Variants in MPP3 observed in about 807,000 individuals in gnomAD.
MPP3 encodes the protein MAGUK p55 subfamily member 3.
MPP3 carries 48 observed loss-of-function variants against 80.7 expected under a neutral mutation model. The observed-to-expected ratio is 0.59, with a 90% CI of 0.47 to 0.76. MPP3 has a LOEUF of 0.76. Ranked by LOEUF, MPP3 falls within the 30% of genes least tolerant of loss-of-function variation. MPP3 has a pLI of 0.00. For missense variants in MPP3, 620 were observed against 763.0 expected (o/e 0.81, Z 2.21); for synonymous variants, 311 against 297.6 (o/e 1.04, Z -0.46).
In MPP3 at chr17:43,801,556, A is replaced by G; in HGVS notation, c.*145T>C. 1 of 732,002 alleles carries G rather than the reference A, an allele frequency of 1.4e-6. No homozygotes were observed. Among genetic ancestry groups the G allele is most frequent in the South Asian group, 2.1e-5 (1 of 48,142 alleles). 45.3% of individuals were successfully genotyped at this position (732,002 alleles called of 1,614,324 possible). ...CAGACAAAAACCAACAACAAACAAG[A>G]CTTCCCACTTATACTCTTCTCGATG... On this transcript the variant is annotated 3_prime_UTR_variant, in exon 20 of 20. Coordinates refer to ENST00000398389, the MANE Select transcript of MPP3 (RefSeq NM_001932.6).
chr17:43,830,153 G>A, intron 5 of MPP3, 46 bp from the exon 6 acceptor site: 7 of 1,388,732 alleles, frequency 5.0e-6, no homozygotes, highest in South Asian at 1.5e-5. Flanking sequence ...AGGTGCCCCT[G>A]CCCCATATCT....
intron 11 of MPP3, chr17:43,818,859 C>G (rs1324459009): frequency 6.6e-6 from 1 of 151,460 alleles, no homozygotes; most frequent in African/African-American, 2.4e-5. Context: ...TCACTTGAAC[C>G]CGGGAGGTGG....
intron 16 of MPP3, chr17:43,811,452 C>T (rs889177203): frequency 2.8e-5 from 14 of 503,544 alleles, no homozygotes; most frequent in Admixed American, 1.3e-4. Flanking sequence ...AACTGAGGCA[C>T]GGAGAGGTTC....
intron 10 of MPP3, among the ~76,000 whole-genome samples, chr17:43,821,789 C>T (rs1427618090): frequency 6.6e-6 from 1 of 151,594 alleles, no homozygotes; most frequent in Non-Finnish European, 1.5e-5. Context: ...CAGTGGCAAA[C>T]AGGAAAAAAA....
chr17:43,824,019 G>A lies in MPP3; in HGVS notation c.610-14C>T. 6.3e-7 allele frequency: 1 copy of A among 1,588,690 alleles called. No homozygotes were observed. Among genetic ancestry groups the A allele is most frequent in the Non-Finnish European group, 8.6e-7 (1 of 1,162,754 alleles). Reference sequence around the variant, plus strand: ...CTGGGACTGGGCCTGAAACGAAAGAGAACAGAAGCTTCTCGCCTACCAGGT... The same window carrying A: ...CTGGGACTGGGCCTGAAACGAAAGAAAACAGAAGCTTCTCGCCTACCAGGT... On this transcript the variant is annotated splice_polypyrimidine_tract_variant and intron_variant, in intron 9 of 19. Transcript: ENST00000398389.
chr17:43,802,281 TAAGA>T (rs928213359), intron 19 of MPP3, among the ~76,000 whole-genome samples: 1 of 152,206 alleles, frequency 6.6e-6, no homozygotes, highest in African/African-American at 2.4e-5. Flanking sequence ...TAAATAATTA[TAAGA>T]AAGAACTATA....
intron 17 of MPP3, 63 bp from the exon 18 acceptor site, chr17:43,810,978 A>C: frequency 6.9e-7 from 1 of 1,454,128 alleles, no homozygotes; most frequent in South Asian, 1.2e-5. Context: ...TAGCAAAGCA[A>C]AGGGGACCTC....
At chr17:43,817,911 T>G in intron 12 of MPP3, 135 bp downstream of exon 12, 1 of 347,110 alleles carries the variant, frequency 2.9e-6, no homozygotes, top group Non-Finnish European at 5.2e-6. Flanking sequence ...ACCCCCTCCT[T>G]CCTCTGGAGT....
chr17:43,814,387 C>T (rs2045016293), intron 14 of MPP3, 26 bp from the exon 15 acceptor site: 6 of 1,573,254 alleles, frequency 3.8e-6, no homozygotes, highest in Non-Finnish European at 5.1e-6. Flanking sequence ...AGAGGGACAC[C>T]ATGGCATTTG....
At position 43,802,214 on chromosome 17, in the gene MPP3, CAG is replaced by C. The variant is rs541500359; in HGVS notation, c.1582-339_1582-338del. On this transcript the variant is annotated intron_variant, in intron 19 of 19. Transcript: ENST00000398389. ...TATGCTAATATCACACTTCCTGCCT[CAG>C]AAGTACTTCCAAAGAAGTAGTAGTA... Among the ~76,000 whole-genome samples, 321 of 152,330 alleles carry C rather than the reference CAG, an allele frequency of 2.1e-3. 2 individuals carry two copies. The highest frequency in any genetic ancestry group is 7.2e-3 in the African/African-American group (301 of 41,578).
At chr17:43,811,367 G>A (rs554706480) in intron 16 of MPP3, 162 bp from the exon 17 acceptor site, 19 of 614,856 alleles carry the variant, frequency 3.1e-5, no homozygotes, top group Non-Finnish European at 5.2e-5. Flanking sequence ...TGCCTTTCCA[G>A]GCAGGCGTAT....
chr17:43,816,198 G>C (rs2045123428), intron 13 of MPP3, 119 bp from the exon 14 acceptor site: 3 of 840,498 alleles, frequency 3.6e-6, no homozygotes, highest in Non-Finnish European at 5.4e-6. Flanking sequence ...CTCGTGGGGA[G>C]CTCAGGGGAA....
chr17:43,806,821 T>A (rs2044637646), intron 19 of MPP3, among the ~76,000 whole-genome samples: 1 of 152,080 alleles, frequency 6.6e-6, no homozygotes, highest in Non-Finnish European at 1.5e-5. Flanking sequence ...TTGGTCAGGT[T>A]GGTCTTGAAC....
At chr17:43,822,781 G>A (rs1329588142) in intron 10 of MPP3, among the ~76,000 whole-genome samples, 1 of 151,704 alleles carries the variant, frequency 6.6e-6, no homozygotes, top group South Asian at 2.1e-4. Context: ...GTGCAGCCTG[G>A]GCTGACTTCC....
rs80143775 is a variant in MPP3 at position 43,809,133 on chromosome 17, T to C, written c.1459-55A>G. 4,861 of 1,523,624 alleles carry C rather than the reference T, an allele frequency of 3.2e-3. 157 individuals carry two copies. The African/African-American group carries it at 0.062, about 19-fold the overall frequency. The allele number at this position is 1,523,624 out of a possible 1,614,324, so 94.4% of individuals were successfully genotyped here. A position where few individuals can be genotyped will look rare whatever the true frequency, so the allele number is the denominator to read the frequency against. On this transcript the variant is annotated intron_variant, in intron 18 of 19. Coordinates refer to ENST00000398389, the MANE Select transcript of MPP3 (RefSeq NM_001932.6). ...ACTTTTGAAGTGTTTTGTTGTGAAA[T>C]AGACTTTTGAAAGCTCAATAATCGT...
intron 1 of MPP3, 98 bp downstream of exon 1, chr17:43,833,003 G>A (rs2046049572): frequency 6.6e-6 from 1 of 151,350 alleles, no homozygotes; most frequent in African/African-American, 2.4e-5. Flanking sequence ...TGGGCCGCGA[G>A]GCTGTCCGGG....
chr17:43,805,965 C>T (rs2044595639), intron 19 of MPP3, among the ~76,000 whole-genome samples: 1 of 152,162 alleles, frequency 6.6e-6, no homozygotes, highest in Admixed American at 6.5e-5. Context: ...AAGCTGTTAA[C>T]TCCCCCTCCA....
chr17:43,815,996 T>A, intron 14 of MPP3, 42 bp downstream of exon 14: 1 of 1,462,858 alleles, frequency 6.8e-7, no homozygotes, highest in Non-Finnish European at 9.0e-7. Context: ...GGGCCTTGGG[T>A]GGGGCAGGTC....
chr17:43,829,164 C>A (rs1472314916), intron 7 of MPP3, among the ~76,000 whole-genome samples: 1 of 152,202 alleles, frequency 6.6e-6, no homozygotes, highest in Non-Finnish European at 1.5e-5. Context: ...GCTTCCTCAA[C>A]ATTCAGAGCA....
Sources: gnomAD v4.1 joint callset for allele counts (sites outside exome capture counted in the v4.1 genomes callset) on GRCh38, gnomAD v4.1.1 for gene constraint, MANE v1.5 for transcripts, NCBI Gene and HGNC (gene_info 2026-07-23, HGNC 2026-07-21) for gene names.